The following EBF1 variants were observed in gnomAD, a reference collection of about 807,000 sequenced individuals.
EBF1 encodes EBF transcription factor 1.
Under a neutral mutation model 68.4 loss-of-function variants are expected in EBF1, and 10 were observed. The ratio of observed to expected loss-of-function variants is 0.15; its 90% confidence interval spans 0.09 to 0.25. EBF1 has a LOEUF of 0.25. EBF1 is among the 10% of genes least tolerant of loss of function. The pLI is 1.00. For missense variants in EBF1, 509 were observed against 794.4 expected, an observed-to-expected ratio of 0.64 and a Z score of 4.32; for synonymous variants, 298 against 299.8, an observed-to-expected ratio of 0.99 and a Z score of 0.06.
chr5:158,759,783 C>A (rs1160768367), intron 10 of EBF1, among the ~76,000 whole-genome samples: 1 of 152,078 alleles, frequency 6.6e-6, no homozygotes, highest in Non-Finnish European at 1.5e-5. Context: ...GTATTGCCTG[C>A]CTTCTTTCAC....
chr5:159,038,546 A>G (rs1277554430), intron 6 of EBF1, among the ~76,000 whole-genome samples: 1 of 152,206 alleles, frequency 6.6e-6, no homozygotes, highest in African/African-American at 2.4e-5. Flanking sequence ...CAAAGAGGCC[A>G]TGCCTCACAG....
At chr5:159,055,733 G>A (rs1268318176) in intron 6 of EBF1, among the ~76,000 whole-genome samples, 10 of 152,212 alleles carry the variant, frequency 6.6e-5, no homozygotes. Flanking sequence ...GTAATGGCAG[G>A]AGAAAGATGA....
At chr5:158,735,621 T>C (rs1233851898) in intron 10 of EBF1, among the ~76,000 whole-genome samples, 1 of 152,182 alleles carries the variant, frequency 6.6e-6, no homozygotes, top group Non-Finnish European at 1.5e-5. Context: ...GGAATGGATA[T>C]TGGTGGGATG....
At chr5:158,898,265 A>G (rs1021681248) in intron 6 of EBF1, among the ~76,000 whole-genome samples, 1 of 152,180 alleles carries the variant, frequency 6.6e-6, no homozygotes, top group Non-Finnish European at 1.5e-5. Context: ...TCCTTTTACC[A>G]ATATTTGCAT....
chr5:158,984,120 A>C (rs1758470775), intron 6 of EBF1, among the ~76,000 whole-genome samples: 2 of 152,172 alleles, frequency 1.3e-5, no homozygotes, highest in Non-Finnish European at 2.9e-5. Context: ...AATCTCAAGA[A>C]ACACTTCTTA....
intron 11 of EBF1, among the ~76,000 whole-genome samples, chr5:158,716,751 G>T (rs1031440837): frequency 1.3e-5 from 2 of 152,142 alleles, no homozygotes; most frequent in African/African-American, 4.8e-5. Context: ...TACGCTCCCA[G>T]TGAACTAGCC....
intron 10 of EBF1, among the ~76,000 whole-genome samples, chr5:158,734,950 C>T (rs1296856308): frequency 6.6e-6 from 1 of 151,996 alleles, no homozygotes; most frequent in Non-Finnish European, 1.5e-5. Context: ...TCCATTATCC[C>T]AAATAGAAAA....
chr5:158,863,105 C>T (rs775248467), intron 6 of EBF1, among the ~76,000 whole-genome samples: 3 of 152,140 alleles, frequency 2.0e-5, no homozygotes, highest in Non-Finnish European at 2.9e-5. Context: ...CCTTTATGTT[C>T]CTTTATGCTA....
chr5:159,022,056 TAAAA>T (rs10630834), intron 6 of EBF1, among the ~76,000 whole-genome samples: 1 of 105,630 alleles, frequency 9.5e-6, no homozygotes, highest in Admixed American at 1.1e-4. Context: ...GTCAGCACGA[TAAAA>T]AAAAAAAAAA....
chr5:158,722,677 G>A (rs1207411170), intron 11 of EBF1, among the ~76,000 whole-genome samples: 2 of 152,196 alleles, frequency 1.3e-5, no homozygotes, highest in Non-Finnish European at 2.9e-5. Flanking sequence ...CCAGACAAAC[G>A]ATATCTGTAA....
At position 158,696,542 on chromosome 5, in the gene EBF1, T is replaced by C. The variant is rs755499375; in HGVS notation, c.*2569A>G. 28 of 224,804 alleles carry C rather than the reference T, an allele frequency of 1.2e-4. No homozygotes were observed. Among genetic ancestry groups the C allele is most frequent in the Non-Finnish European group, 2.0e-4 (22 of 112,618 alleles). 13.9% of individuals were successfully genotyped at this position (224,804 alleles called of 1,614,324 possible). A position where few individuals can be genotyped will look rare whatever the true frequency, so the allele number is the denominator to read the frequency against. Reference sequence around the variant, plus strand: ...AGATAAAATATGGCTTTAACTTGTGTACATCTTCAGGCCAGCGCTTACCAC... The same window carrying C: ...AGATAAAATATGGCTTTAACTTGTGCACATCTTCAGGCCAGCGCTTACCAC... On this transcript the variant is annotated 3_prime_UTR_variant, in exon 16 of 16. Coordinates refer to ENST00000313708, the MANE Select transcript of EBF1 (RefSeq NM_024007.5).
chr5:158,760,799 T>C (rs994249296), intron 10 of EBF1, among the ~76,000 whole-genome samples: 3 of 152,186 alleles, frequency 2.0e-5, no homozygotes, highest in African/African-American at 4.8e-5. Flanking sequence ...GTTGTGTTAT[T>C]ATTTTCCTCA....
At chr5:158,735,686 G>T (rs1026060113) in intron 10 of EBF1, among the ~76,000 whole-genome samples, 1 of 151,600 alleles carries the variant, frequency 6.6e-6, no homozygotes, top group African/African-American at 2.4e-5. Flanking sequence ...TACTACTTTT[G>T]AAAAAAAAGT....
chr5:159,077,643 T>G (rs1238519230), intron 5 of EBF1, among the ~76,000 whole-genome samples: 2 of 152,064 alleles, frequency 1.3e-5, no homozygotes, highest in African/African-American at 4.8e-5. Flanking sequence ...GAAATATTTT[T>G]TAAATGTAGG....
chr5:159,069,153 T>C (rs1024974744), intron 6 of EBF1, among the ~76,000 whole-genome samples: 1 of 151,942 alleles, frequency 6.6e-6, no homozygotes, highest in African/African-American at 2.4e-5. Flanking sequence ...TAGGTCTAAA[T>C]TCACACCAAT....
At chr5:159,099,294 G>C in intron 1 of EBF1, 51 bp downstream of exon 1, 4 of 1,400,620 alleles carry the variant, frequency 2.9e-6, no homozygotes, top group Non-Finnish European at 3.7e-6. Flanking sequence ...TCCGCCTCCC[G>C]GCTCTCCCGC....
intron 6 of EBF1, among the ~76,000 whole-genome samples, chr5:158,934,734 G>C (rs1378576378): frequency 3.3e-5 from 5 of 152,192 alleles, no homozygotes; most frequent in Non-Finnish European, 7.4e-5. Flanking sequence ...TTAGTAGGTT[G>C]TTATGAAGAT....
At position 158,915,589 on chromosome 5, in the gene EBF1, G is replaced by A. The variant is rs73816839; in HGVS notation, c.555-75479C>T. 6.9e-3 allele frequency among the ~76,000 whole-genome samples: 1,046 copies of A among 152,186 alleles called. 15 individuals are homozygous for A. The highest frequency in any genetic ancestry group is 0.024 in the African/African-American group (978 of 41,532). On this transcript the variant is annotated intron_variant, in intron 6 of 15. Coordinates refer to ENST00000313708, the MANE Select transcript of EBF1 (RefSeq NM_024007.5). ...AAGCAATCGGGGTGGGGGGAATTCC[G>A]TGGAGACACACAAGCAACTCTTAGT...
At chr5:158,708,503 T>C (rs1758407777) in intron 14 of EBF1, among the ~76,000 whole-genome samples, 1 of 152,188 alleles carries the variant, frequency 6.6e-6, no homozygotes. Flanking sequence ...CCAATCCAAA[T>C]GCACCGAGTG....
Sources: allele counts gnomAD v4.1 joint callset (sites outside exome capture counted in the v4.1 genomes callset), GRCh38; gene constraint gnomAD v4.1.1; transcripts MANE v1.5; gene names NCBI Gene and HGNC (gene_info 2026-07-23, HGNC 2026-07-21).